F2: variants seen among roughly 807,000 people sequenced by gnomAD.
The protein encoded by F2 is prothrombin.
Under a neutral mutation model 81.9 loss-of-function variants are expected in F2, and 34 were observed. The ratio of observed to expected loss-of-function variants is 0.42; its 90% CI spans 0.32 to 0.55. F2 has a LOEUF of 0.55. Ranked by LOEUF, F2 falls within the 20% of genes least tolerant of loss-of-function variation. F2 has a pLI of 0.18. For synonymous variants in F2, 296 were observed against 326.4 expected (o/e 0.91, Z 1.01); for missense variants, 630 against 833.4 (o/e 0.76, Z 3.00).
rs976787041 is a variant in F2, at chr11:46,728,235, T to G, written c.1298+72T>G. On this transcript the variant is annotated intron_variant, in intron 10 of 13. Coordinates refer to ENST00000311907, the MANE Select transcript of F2 (RefSeq NM_000506.5). This position sits in a 1 kb window ranked among gnomAD's most constrained non-coding sequence, Gnocchi z 5.1. ...CCAAAGCGATCATGAGGGGCCCTGGTGGCTCCGGGACACATAGGATGTTCT... is the reference window on the plus strand; with the variant it reads ...CCAAAGCGATCATGAGGGGCCCTGGGGGCTCCGGGACACATAGGATGTTCT... 2 of 1,490,204 alleles carry G rather than the reference T, an allele frequency of 1.3e-6. No individual in the cohort carries two copies. The highest frequency in any genetic ancestry group is 2.8e-5 in the African/African-American group (2 of 72,370). 92.3% of individuals were successfully genotyped at this position (1,490,204 alleles called of 1,614,324 possible). A position where few individuals can be genotyped will look rare whatever the true frequency, so the allele number is the denominator to read the frequency against.
At position 46,728,197 on chromosome 11, in the gene F2, G is replaced by C. The variant is rs1335083497; in HGVS notation, c.1298+34G>C. Reference sequence around the variant, plus strand: ...CTGGTGGCCCGTGGGTGTCTGGCAGGGGTCTGAGTCCTCCAAAGCGATCAT... The same window carrying C: ...CTGGTGGCCCGTGGGTGTCTGGCAGCGGTCTGAGTCCTCCAAAGCGATCAT... On this transcript the variant is annotated intron_variant, in intron 10 of 13. Transcript: ENST00000311907. The surrounding 1 kb of genome is among the most constrained non-coding windows in gnomAD (Gnocchi z 5.1). 1.3e-6 allele frequency: 2 copies of C among 1,594,908 alleles called. No individual in the cohort carries two copies. The highest frequency in any genetic ancestry group is 3.5e-5 in the Admixed American group (2 of 57,062).
chr11:46,719,451 A>C lies in F2; in HGVS notation c.79+137A>C. On this transcript the variant is annotated intron_variant, in intron 1 of 13. Coordinates refer to ENST00000311907, the MANE Select transcript of F2 (RefSeq NM_000506.5). This position sits in a 1 kb window ranked among gnomAD's most constrained non-coding sequence, Gnocchi z 4.7. Reference sequence around the variant, plus strand: ...GCCCCAGGCGGCCAGCTTAGGGAAGAAGTCAGGAGCTCAGGGCTGGAAAGA... The same window carrying C: ...GCCCCAGGCGGCCAGCTTAGGGAAGCAGTCAGGAGCTCAGGGCTGGAAAGA... 6.4e-6 allele frequency: 7 copies of C among 1,086,250 alleles called. No individual in the cohort carries two copies. Among genetic ancestry groups the C allele is most frequent in the Non-Finnish European group, 9.5e-6 (7 of 733,086 alleles). The allele number at this position is 1,086,250 out of a possible 1,614,324, so 67.3% of individuals were successfully genotyped here.
chr11:46,732,988 G>A (rs1199833271), intron 12 of F2, among the ~76,000 whole-genome samples: 2 of 152,006 alleles, frequency 1.3e-5, no homozygotes, highest in Non-Finnish European at 2.9e-5. Flanking sequence ...TTACTTCTAG[G>A]CTCTCTTAGT....
intron 2 of F2, 76 bp from the exon 3 acceptor site, chr11:46,720,444 TGAG>T: frequency 5.2e-6 from 8 of 1,525,748 alleles, no homozygotes; most frequent in East Asian, 2.3e-5. Flanking sequence ...AAGGAAAGTG[TGAG>T]GAGGAGACAT....
chr11:46,724,676 G>T (rs1409585918), intron 6 of F2, among the ~76,000 whole-genome samples: 2 of 152,108 alleles, frequency 1.3e-5, no homozygotes, highest in Non-Finnish European at 2.9e-5. Context: ...CAGGGGTAAA[G>T]AATTTGTGCC....
chr11:46,721,936 G>A lies in F2; in HGVS notation c.316+1096G>A, dbSNP rs950313894. ...CGGCTCGCTGCAACCTCCGCCTAGC[G>A]GATTCAAGTGATTCTCCTGCCTTAG... is the stretch of plus-strand genomic sequence containing the variant. On this transcript the variant is annotated intron_variant, in intron 4 of 13. Coordinates refer to ENST00000311907, the MANE Select transcript of F2 (RefSeq NM_000506.5). 9.2e-5 allele frequency among the ~76,000 whole-genome samples: 14 copies of A among 151,846 alleles called. No homozygotes were observed. The East Asian group carries it at 1.3e-3, about 15-fold the overall frequency.
intron 12 of F2, among the ~76,000 whole-genome samples, chr11:46,736,039 C>T (rs1470255763): frequency 6.6e-6 from 1 of 151,654 alleles, no homozygotes; most frequent in African/African-American, 2.4e-5. Flanking sequence ...CCCATCTCTA[C>T]TAAAATACAA....
chr11:46,736,174 G>A (rs2134544585), intron 12 of F2, among the ~76,000 whole-genome samples: 1 of 152,364 alleles, frequency 6.6e-6, no homozygotes, highest in African/African-American at 2.4e-5. Flanking sequence ...CTGCACTCCA[G>A]CCTGGCAACA....
At chr11:46,727,956 C>G (rs768773778) in intron 9 of F2, 40 bp from the exon 10 acceptor site, 22 of 1,582,122 alleles carry the variant, frequency 1.4e-5, no homozygotes, top group Non-Finnish European at 1.9e-5. Flanking sequence ...AGGCAGCCCC[C>G]TCATCCTCAG....
At position 46,726,300 on chromosome 11, in the gene F2, G is replaced by T. The variant is rs539368733; in HGVS notation, c.874+127G>T. 145 of 1,432,202 alleles carry T rather than the reference G, an allele frequency of 1.0e-4. No individual in the cohort carries two copies. Among genetic ancestry groups the T allele is most frequent in the Middle Eastern group, 5.3e-4 (3 of 5,664 alleles). 88.7% of individuals were successfully genotyped at this position (1,432,202 alleles called of 1,614,324 possible). ...CATTACAGCCTTACAGTAACCAGGT[G>T]GGGGGTAAGGTCCTGTGCCCATTTC... On this transcript the variant is annotated intron_variant, in intron 7 of 13. Transcript: ENST00000311907. This position sits in a 1 kb window ranked among gnomAD's most constrained non-coding sequence, Gnocchi z 5.9.
At chr11:46,738,954 G>T in intron 12 of F2, 94 bp from the exon 13 acceptor site, 1 of 1,234,116 alleles carries the variant, frequency 8.1e-7, no homozygotes, top group Non-Finnish European at 1.2e-6. Context: ...AATGACTGGA[G>T]GGGTAAGTGG....
intron 9 of F2, among the ~76,000 whole-genome samples, 196 bp from the exon 10 acceptor site, chr11:46,727,800 T>TA (rs1231639184): frequency 2.0e-5 from 3 of 151,400 alleles, no homozygotes; most frequent in Non-Finnish European, 4.4e-5. Flanking sequence ...AATAAATAAA[T>TA]AAAAAAGTGT....
rs894338780 is a variant in F2, at chr11:46,719,732, T to A, written c.110T>A (p.Leu37Gln). The A allele has an allele frequency of 1.3e-6, 2 of 1,595,602 alleles. No homozygotes were observed. The highest frequency in any genetic ancestry group is 1.7e-6 in the Non-Finnish European group (2 of 1,172,458). The change falls in exon 2 of 14, where the codon CTG (leucine) becomes CAG (glutamine). Residue 37 changes from leucine to glutamine, a missense_variant. Coordinates refer to ENST00000311907, the MANE Select transcript of F2 (RefSeq NM_000506.5). The surrounding 1 kb of genome is among the most constrained non-coding windows in gnomAD (Gnocchi z 4.7). ...CTGGCTCCTCAGCAAGCACGGTCGCTGCTCCAGCGGGTCCGGCGAGCCAAC... is the reference window on the plus strand; with the variant it reads ...CTGGCTCCTCAGCAAGCACGGTCGCAGCTCCAGCGGGTCCGGCGAGCCAAC... Reference protein sequence around the residue: ...VFLAPQQARSLLQRVRRANTF... With the variant: ...VFLAPQQARSQLQRVRRANTF...
chr11:46,722,466 T>C (rs772712917), intron 4 of F2, among the ~76,000 whole-genome samples: 2 of 152,102 alleles, frequency 1.3e-5, no homozygotes, highest in Non-Finnish European at 2.9e-5. Context: ...CACGCGCCTG[T>C]AATCCTAGCT....
rs188568623 is a variant in F2 at position 46,726,231 on chromosome 11, A to G, written c.874+58A>G. On this transcript the variant is annotated intron_variant, in intron 7 of 13. Coordinates refer to ENST00000311907, the MANE Select transcript of F2 (RefSeq NM_000506.5). This position sits in a 1 kb window ranked among gnomAD's most constrained non-coding sequence, Gnocchi z 5.9. ...GGGACAAATCCTGGTGGGAATAACA[A>G]CAGCCGCTTCTGCTTATCGAACGCT... 17 of 1,597,244 alleles carry G rather than the reference A, an allele frequency of 1.1e-5. No homozygotes were observed. In the African/African-American group the frequency reaches 1.7e-4, roughly 16 times the overall value.
At position 46,729,297 on chromosome 11, in the gene F2, T is replaced by C. The variant is rs1041983416; in HGVS notation, c.1473-83T>C. 5 of 1,471,744 alleles carry C rather than the reference T, an allele frequency of 3.4e-6. No individual in the cohort carries two copies. In the Admixed American group the frequency reaches 8.9e-5, roughly 26 times the overall value. 91.2% of individuals were successfully genotyped at this position (1,471,744 alleles called of 1,614,324 possible). A position where few individuals can be genotyped will look rare whatever the true frequency, so the allele number is the denominator to read the frequency against. ...GCCCAGCCAGCTCTGGCGTTTTAGATTCTGGTCTCTAAGAAATGGCGTTGG... is the reference window on the plus strand; with the variant it reads ...GCCCAGCCAGCTCTGGCGTTTTAGACTCTGGTCTCTAAGAAATGGCGTTGG... On this transcript the variant is annotated intron_variant, in intron 11 of 13. Transcript: ENST00000311907.
chr11:46,723,621 T>A lies in F2; in HGVS notation c.559+103T>A. On this transcript the variant is annotated intron_variant, in intron 6 of 13. Transcript: ENST00000311907. The surrounding 1 kb of genome is among the most constrained non-coding windows in gnomAD (Gnocchi z 5.6). ...AAGAATACTGGCTACCCAGGCACAG[T>A]GGCTCATGCCCGTAATCCCAGCACT... The A allele has an allele frequency of 7.0e-7, 1 of 1,422,926 alleles. No homozygotes were observed. Among genetic ancestry groups the A allele is most frequent in the Non-Finnish European group, 9.6e-7 (1 of 1,041,880 alleles). The allele number at this position is 1,422,926 out of a possible 1,614,324, so 88.1% of individuals were successfully genotyped here.
At chr11:46,735,131 G>T (rs1215415565) in intron 12 of F2, among the ~76,000 whole-genome samples, 1 of 152,168 alleles carries the variant, frequency 6.6e-6, no homozygotes, top group African/African-American at 2.4e-5. Context: ...AGACAACATA[G>T]CAAGACCCTG....
chr11:46,720,547 G>A lies in F2; in HGVS notation c.265G>A (p.Ala89Thr), dbSNP rs1289858775. The part of the protein sequence containing the change: ...ATDVFWAKYT[A>T]CETARTPRDK... ...GGATGTGTTCTGGGCCAAGTACACA[G>A]GTGAGCACCGGGAAGGATTTGCCCC... The change falls in exon 3 of 14, where the codon GCT becomes ACT. Residue 89 changes from alanine to threonine, a missense_variant and splice_region_variant. Physicochemically the swap from Ala to Thr is moderately conservative, Grantham distance 58 (BLOSUM62 0). Transcript: ENST00000311907. 1 of 1,614,138 alleles carries A rather than the reference G, an allele frequency of 6.2e-7. No homozygotes were observed. The highest frequency in any genetic ancestry group is 2.2e-5 in the East Asian group (1 of 44,878).
Sources: gnomAD v4.1 joint callset for allele counts (sites outside exome capture counted in the v4.1 genomes callset) on GRCh38, gnomAD v4.1.1 for gene constraint, Gnocchi (gnomAD v3.1) non-coding constraint, MANE v1.5 for transcripts, NCBI Gene and HGNC (gene_info 2026-07-23, HGNC 2026-07-21) for gene names.